The following MYOCOS variants were observed in gnomAD, a reference collection of about 807,000 sequenced individuals.
The protein encoded by MYOCOS is myocilin opposite strand, also known as myocilin opposite strand protein.
intron 1 of MYOCOS, among the ~76,000 whole-genome samples, chr1:171,605,594 C>G (rs962222603): frequency 6.6e-6 from 1 of 152,092 alleles, no homozygotes; most frequent in African/African-American, 2.4e-5. Flanking sequence ...TGCGTAATTG[C>G]ACCATTAAGC....
chr1:171,622,860 A>C (rs1652602299), intron 1 of MYOCOS, among the ~76,000 whole-genome samples: 1 of 152,212 alleles, frequency 6.6e-6, no homozygotes, highest in Admixed American at 6.5e-5. Flanking sequence ...TAATTTCTCT[A>C]CTGCTCAGTT....
chr1:171,610,907 T>C (rs1252162549), intron 1 of MYOCOS, among the ~76,000 whole-genome samples: 1 of 152,254 alleles, frequency 6.6e-6, no homozygotes, highest in Non-Finnish European at 1.5e-5. Context: ...TTATATACAA[T>C]ACATGTCAAT....
At chr1:171,602,039 C>A in intron 1 of MYOCOS, among the ~76,000 whole-genome samples, 1 of 143,522 alleles carries the variant, frequency 7.0e-6, no homozygotes, top group Admixed American at 7.0e-5. Context: ...AGAAAGTTTG[C>A]TTTAAAAAAA....
intron 1 of MYOCOS, among the ~76,000 whole-genome samples, chr1:171,613,786 A>G (rs1025875422): frequency 6.6e-6 from 1 of 152,216 alleles, no homozygotes; most frequent in Admixed American, 6.5e-5. Context: ...GAGCTCAAGC[A>G]ATCCTCCCAA....
intron 2 of MYOCOS, among the ~76,000 whole-genome samples, chr1:171,624,435 A>AATTATTATTATTATTATT (rs72026900): frequency 0.02 from 2,914 of 147,144 alleles, 108 homozygotes; most frequent in African/African-American, 0.071. Flanking sequence ...ACGTCTGGTT[A>AATTATTATTATTATTATT]ATTATTATTA....
chr1:171,612,111 G>T (rs1353573848), intron 1 of MYOCOS, among the ~76,000 whole-genome samples: 1 of 150,368 alleles, frequency 6.7e-6, no homozygotes, highest in African/African-American at 2.4e-5. Context: ...TCGTTCTATA[G>T]CCCAGGCTGG....
intron 2 of MYOCOS, 25 bp from the exon 3 acceptor site, chr1:171,626,429 G>A (rs534398286): frequency 7.5e-6 from 3 of 398,194 alleles, no homozygotes; most frequent in Non-Finnish European, 1.3e-5. Context: ...TATTCAAATG[G>A]CATTCAATGT....
At chr1:171,617,485 G>A (rs377002342), upstream of MYOCOS, among the ~76,000 whole-genome samples, 21 of 152,174 alleles carry the variant, frequency 1.4e-4, no homozygotes, top group Non-Finnish European at 2.5e-4. Context: ...GACCAAGCGA[G>A]AGGGTGGTGA....
At chr1:171,611,699 G>A (rs1329929022) in intron 1 of MYOCOS, among the ~76,000 whole-genome samples, 2 of 152,128 alleles carry the variant, frequency 1.3e-5, no homozygotes, top group Non-Finnish European at 2.9e-5. Flanking sequence ...TTTCATGTTA[G>A]TCAGTATATG....
intron 1 of MYOCOS, among the ~76,000 whole-genome samples, chr1:171,602,389 G>A (rs1652160983): frequency 6.6e-6 from 1 of 152,058 alleles, no homozygotes; most frequent in African/African-American, 2.4e-5. Flanking sequence ...GCATAAAAAC[G>A]TGGATTTTTA....
chr1:171,617,190 A>C (rs1357741542), intron 2 of MYOCOS, among the ~76,000 whole-genome samples: 2 of 152,072 alleles, frequency 1.3e-5, no homozygotes, highest in Non-Finnish European at 2.9e-5. Flanking sequence ...TGCTGAATAA[A>C]ATCATCTTTC....
rs754674909 is a variant in MYOCOS at position 171,626,749 on chromosome 1, A to G, written c.*148A>G. 2.0e-5 allele frequency: 8 copies of G among 396,320 alleles called. No individual in the cohort carries two copies. Among genetic ancestry groups the G allele is most frequent in the Admixed American group, 4.4e-5 (1 of 22,670 alleles). The allele number at this position is 396,320 out of a possible 1,614,324, so 24.6% of individuals were successfully genotyped here. A position where few individuals can be genotyped will look rare whatever the true frequency, so the allele number is the denominator to read the frequency against. On this transcript the variant is annotated 3_prime_UTR_variant, in exon 3 of 3. Coordinates refer to ENST00000637642, the MANE Select transcript of MYOCOS (RefSeq NM_001391940.1). The stretch of plus-strand genomic sequence containing the variant: ...CTAGAACCACCATAGAGCATGGTTT[A>G]CCCTTGCTAATAGACTTAGTCATTT...
At chr1:171,613,506 T>C (rs1035485744) in intron 1 of MYOCOS, among the ~76,000 whole-genome samples, 1 of 152,134 alleles carries the variant, frequency 6.6e-6, no homozygotes, top group African/African-American at 2.4e-5. Context: ...CACTTTCTCT[T>C]GGCTTGCTGG....
intron 1 of MYOCOS, among the ~76,000 whole-genome samples, chr1:171,613,854 T>G (rs989861961): frequency 6.6e-6 from 1 of 150,654 alleles, no homozygotes; most frequent in African/African-American, 2.5e-5. Context: ...TATCCTCAGC[T>G]TTTACTGCCC....
At chr1:171,608,474 G>C (rs1311681569) in intron 1 of MYOCOS, among the ~76,000 whole-genome samples, 1 of 128,416 alleles carries the variant, frequency 7.8e-6, no homozygotes, top group Non-Finnish European at 1.6e-5. Context: ...CTGGAGTGCA[G>C]TGGCGCGATC....
At chr1:171,611,343 G>T (rs931218178) in intron 1 of MYOCOS, among the ~76,000 whole-genome samples, 1 of 152,110 alleles carries the variant, frequency 6.6e-6, no homozygotes, top group African/African-American at 2.4e-5. Flanking sequence ...GGCCCTACTT[G>T]TGCACAATTC....
chr1:171,604,437 T>G (rs1652205760), intron 1 of MYOCOS: 1 of 152,178 alleles, frequency 6.6e-6, no homozygotes, highest in Non-Finnish European at 1.5e-5. Context: ...GCCTAGGAAC[T>G]CCAAAGGAAA....
chr1:171,607,611 C>A (rs955417580), intron 1 of MYOCOS, among the ~76,000 whole-genome samples: 2 of 152,210 alleles, frequency 1.3e-5, no homozygotes, highest in African/African-American at 4.8e-5. Flanking sequence ...GATTTCTATT[C>A]TCATTCTAAG....
chr1:171,606,895 C>T (rs1042632291), intron 1 of MYOCOS, among the ~76,000 whole-genome samples: 2 of 151,914 alleles, frequency 1.3e-5, no homozygotes, highest in Non-Finnish European at 1.5e-5. Context: ...AGTCTAAGAC[C>T]AGCCTGACCA....
Sources: allele counts gnomAD v4.1 joint callset (sites outside exome capture counted in the v4.1 genomes callset), GRCh38; gene constraint gnomAD v4.1.1; transcripts MANE v1.5; gene names NCBI Gene and HGNC (gene_info 2026-07-23, HGNC 2026-07-21).